The following TXLNB variants were observed in gnomAD, a reference collection of about 807,000 sequenced individuals.
TXLNB encodes the protein taxilin beta.
In TXLNB, 37 loss-of-function variants were observed where a neutral mutation model predicts 57.4. The observed-to-expected ratio is 0.64, with a 90% CI of 0.50 to 0.85. The LOEUF (loss-of-function observed/expected upper bound fraction) is 0.85. Among genes scored for constraint, TXLNB ranks in the 40% least tolerant of loss-of-function variants. TXLNB has a pLI of 0.00. For missense variants in TXLNB, 848 were observed against 825.6 expected (o/e 1.03, Z -0.33); for synonymous variants, 302 against 309.6 (o/e 0.98, Z 0.26).
chr6:139,223,808 G>A, the TXLNB span, among the ~76,000 whole-genome samples: 1 of 152,106 alleles, frequency 6.6e-6, no homozygotes, highest in Non-Finnish European at 1.5e-5. Flanking sequence ...AGGTGCTGGA[G>A]AGGATGTGGA....
the TXLNB span, among the ~76,000 whole-genome samples, chr6:139,210,257 T>G: frequency 1.3e-5 from 2 of 152,186 alleles, no homozygotes. Context: ...TTTATGCTGC[T>G]GGTGGGAATG....
the TXLNB span, among the ~76,000 whole-genome samples, chr6:139,188,360 G>C: frequency 6.6e-6 from 1 of 152,196 alleles, no homozygotes; most frequent in Admixed American, 6.6e-5. Flanking sequence ...TTTTGTGACA[G>C]CCGTATTTGT....
chr6:139,322,688 C>T, the TXLNB span, among the ~76,000 whole-genome samples: 1 of 152,198 alleles, frequency 6.6e-6, no homozygotes, highest in East Asian at 1.9e-4. Flanking sequence ...CACCTCTCAT[C>T]CAAATTATCT....
intron 4 of TXLNB, among the ~76,000 whole-genome samples, chr6:139,269,899 CTAT>C (rs1776713615): frequency 2.0e-5 from 3 of 152,142 alleles, no homozygotes; most frequent in Admixed American, 2.0e-4. Flanking sequence ...AGTGATCAGT[CTAT>C]TATTTTTAGA....
the TXLNB span, among the ~76,000 whole-genome samples, chr6:139,309,744 T>G: frequency 6.6e-6 from 1 of 152,152 alleles, no homozygotes; most frequent in Non-Finnish European, 1.5e-5. Context: ...GGCAACATAG[T>G]GAGACTCTGT....
Position 139,242,487 on chromosome 6 carries a change from CAA to C in TXLNB, c.*37_*38del, listed in dbSNP as rs777146869. The C allele has an allele frequency of 1.6e-5, 23 of 1,447,096 alleles. No individual in the cohort carries two copies. Among genetic ancestry groups the C allele is most frequent in the Non-Finnish European group, 5.5e-6 (6 of 1,097,194 alleles). The allele number at this position is 1,447,096 out of a possible 1,614,324, so 89.6% of individuals were successfully genotyped here. On this transcript the variant is annotated 3_prime_UTR_variant, in exon 10 of 10. Coordinates refer to ENST00000358430, the MANE Select transcript of TXLNB (RefSeq NM_153235.4). ...AAGACAAGCTGTTATGCTGAATATG[CAA>C]AGAGGCAGGAAGAAGCCTCTGAAGG...
chr6:139,278,142 G>C (rs1460880853), intron 2 of TXLNB, among the ~76,000 whole-genome samples: 1 of 152,066 alleles, frequency 6.6e-6, no homozygotes, highest in Non-Finnish European at 1.5e-5. Context: ...CAGACTAACC[G>C]GTTAATTTTA....
At chr6:139,261,289 T>C (rs537207818) in intron 5 of TXLNB, among the ~76,000 whole-genome samples, 10 of 152,318 alleles carry the variant, frequency 6.6e-5, no homozygotes, top group African/African-American at 1.7e-4. Flanking sequence ...TCTTCTTTAG[T>C]CTGAACCTCC....
At chr6:139,322,249 C>A in the TXLNB span, among the ~76,000 whole-genome samples, 6 of 152,044 alleles carry the variant, frequency 3.9e-5, no homozygotes, top group Non-Finnish European at 8.8e-5. Context: ...TTCACACCGT[C>A]CTGGAGGCTG....
chr6:139,202,784 T>C, the TXLNB span, among the ~76,000 whole-genome samples: 1 of 152,214 alleles, frequency 6.6e-6, no homozygotes, highest in South Asian at 2.1e-4. Flanking sequence ...CTTATAGCAG[T>C]ATAGAACACT....
chr6:139,225,097 T>C, the TXLNB span, among the ~76,000 whole-genome samples: 2 of 152,108 alleles, frequency 1.3e-5, no homozygotes, highest in Admixed American at 6.5e-5. Context: ...ATTATCTAAA[T>C]AGACACAGAA....
chr6:139,205,543 G>GT, the TXLNB span, among the ~76,000 whole-genome samples: 2 of 151,888 alleles, frequency 1.3e-5, no homozygotes, highest in Admixed American at 6.6e-5. Flanking sequence ...GGAGTGGAAA[G>GT]TTTCTACAAT....
At chr6:139,323,430 G>A in the TXLNB span, among the ~76,000 whole-genome samples, 123 of 151,890 alleles carry the variant, frequency 8.1e-4, no homozygotes, top group African/African-American at 2.3e-3. Flanking sequence ...CTACAGGTGC[G>A]TGCCACCACG....
At chr6:139,211,726 C>G in the TXLNB span, among the ~76,000 whole-genome samples, 1 of 152,126 alleles carries the variant, frequency 6.6e-6, no homozygotes, top group African/African-American at 2.4e-5. Flanking sequence ...AAGTTAAAAA[C>G]TTTGAAAAAA....
At position 139,242,932 on chromosome 6, in the gene TXLNB, C is replaced by G. The variant is rs1364966591; in HGVS notation, c.1649G>C (p.Arg550Pro). The G allele has an allele frequency of 3.7e-6, 6 of 1,613,944 alleles. No homozygotes were observed. Among genetic ancestry groups the G allele is most frequent in the African/African-American group, 1.3e-5 (1 of 74,906 alleles). The stretch of plus-strand genomic sequence containing the variant: ...GGGAGGCAGGGGACTCTCTGAATCC[C>G]GTGAAGGGATCAGAGGGGGTTGCTC... ...EPEQPPLIPS[R>P]DSESPLPPLT... The change falls in exon 10 of 10, where the codon CGG (arginine) becomes CCG (proline). Residue 550 changes from arginine to proline, a missense_variant. Physicochemically the swap from Arg to Pro is moderately radical, Grantham distance 103. Coordinates refer to ENST00000358430, the MANE Select transcript of TXLNB (RefSeq NM_153235.4).
intron 3 of TXLNB, 152 bp from the exon 4 acceptor site, chr6:139,270,778 G>T: frequency 3.0e-6 from 2 of 673,488 alleles, no homozygotes; most frequent in Non-Finnish European, 2.5e-6. Flanking sequence ...ATTCACAAAC[G>T]TCACCTTTGT....
the TXLNB span, among the ~76,000 whole-genome samples, chr6:139,313,730 T>C: frequency 6.6e-6 from 1 of 152,278 alleles, no homozygotes; most frequent in East Asian, 1.9e-4. Context: ...AGCCCCAGTA[T>C]TCATTTATAA....
At chr6:139,217,133 C>G in the TXLNB span, among the ~76,000 whole-genome samples, 1 of 152,182 alleles carries the variant, frequency 6.6e-6, no homozygotes, top group Non-Finnish European at 1.5e-5. Flanking sequence ...GTGGAAGGTT[C>G]TGAGAGATGT....
chr6:139,202,967 G>T, the TXLNB span, among the ~76,000 whole-genome samples: 1 of 152,180 alleles, frequency 6.6e-6, no homozygotes, highest in Non-Finnish European at 1.5e-5. Context: ...ATCTTTCTGT[G>T]CCTGGCTCAT....
Sources: allele counts gnomAD v4.1 joint callset (sites outside exome capture counted in the v4.1 genomes callset), GRCh38; gene constraint gnomAD v4.1.1; transcripts MANE v1.5; gene names NCBI Gene and HGNC (gene_info 2026-07-23, HGNC 2026-07-21).